The following FRMD4B variants were observed in gnomAD, a reference collection of about 807,000 sequenced individuals.
FRMD4B encodes FERM domain containing 4B, also known as FERM domain-containing protein 4B.
In FRMD4B, 74 loss-of-function variants were observed where a neutral mutation model predicts 141.5. The ratio of observed to expected loss-of-function variants is 0.52; its 90% CI spans 0.43 to 0.63. The LOEUF (loss-of-function observed/expected upper bound fraction) is 0.63, where lower values mean the gene tolerates loss of function less well. FRMD4B is among the 30% of genes least tolerant of loss of function. FRMD4B has a pLI of 0.00. For synonymous variants in FRMD4B, 506 were observed against 467.9 expected (o/e 1.08, Z -1.05); for missense variants, 1,366 against 1,253.4 (o/e 1.09, Z -1.36).
intron 1 of FRMD4B, among the ~76,000 whole-genome samples, chr3:69,349,775 A>C (rs1291358221): frequency 1.3e-5 from 2 of 152,248 alleles, no homozygotes; most frequent in African/African-American, 4.8e-5. Flanking sequence ...AACCATATGT[A>C]GAAAGCTGAA....
At chr3:69,202,631 C>T (rs763914215) in intron 11 of FRMD4B, among the ~76,000 whole-genome samples, 15 of 152,026 alleles carry the variant, frequency 9.9e-5, no homozygotes, top group Non-Finnish European at 1.3e-4. Flanking sequence ...CTAGAAGCTA[C>T]GAGTTTGAAC....
At chr3:69,330,686 A>G (rs1162517470) in intron 1 of FRMD4B, among the ~76,000 whole-genome samples, 1 of 151,526 alleles carries the variant, frequency 6.6e-6, no homozygotes, top group African/African-American at 2.4e-5. Flanking sequence ...TAATAGAGAC[A>G]GGGTCTCACT....
chr3:69,399,637 C>G lies in FRMD4B; in HGVS notation c.-1+32997G>C, dbSNP rs150965355. The stretch of plus-strand genomic sequence containing the variant: ...GGTTCTAATGCTTTTCCCTCAGGCT[C>G]TTTATATTTGTGGCTCTTTAAGTCC... On this transcript the variant is annotated intron_variant, in intron 2 of 5. Coordinates refer to the FRMD4B transcript ENST00000459638. 4.6e-3 allele frequency among the ~76,000 whole-genome samples: 704 copies of G among 152,294 alleles called. 3 individuals are homozygous for G. Among genetic ancestry groups the G allele is most frequent in the African/African-American group, 0.016 (654 of 41,564 alleles).
In FRMD4B at chr3:69,196,790, AT is replaced by A. The variant is rs369802750; in HGVS notation, c.1092+109del. ...ATAGTTGGAAGTTAAACGCAAAAAA[AT>A]CTCAGAGAGCAAAAATATATGTGCT... On this transcript the variant is annotated intron_variant, in intron 13 of 22. Coordinates refer to ENST00000398540, the MANE Select transcript of FRMD4B (RefSeq NM_015123.3). 7.3e-5 allele frequency: 59 copies of A among 813,192 alleles called. No individual in the cohort carries two copies. In the African/African-American group the frequency reaches 9.4e-4, roughly 13 times the overall value. 50.4% of individuals were successfully genotyped at this position (813,192 alleles called of 1,614,324 possible).
At chr3:69,446,744 C>CA (rs1705416625) in intron 1 of FRMD4B, among the ~76,000 whole-genome samples, 1 of 152,202 alleles carries the variant, frequency 6.6e-6, no homozygotes, top group Admixed American at 6.5e-5. Flanking sequence ...ACACATATCT[C>CA]ACTCTCTGTG....
chr3:69,282,254 C>T (rs375772232), intron 5 of FRMD4B, among the ~76,000 whole-genome samples: 10 of 152,264 alleles, frequency 6.6e-5, no homozygotes, highest in African/African-American at 2.2e-4. Flanking sequence ...TAGCTGTAGG[C>T]GAAAGCTGTC....
At chr3:69,515,466 A>T (rs2107112889) in intron 1 of FRMD4B, among the ~76,000 whole-genome samples, 1 of 152,168 alleles carries the variant, frequency 6.6e-6, no homozygotes, top group South Asian at 2.1e-4. Context: ...TCCCCAATTT[A>T]TTTACGTATT....
At chr3:69,196,700 C>T in intron 13 of FRMD4B, 200 bp downstream of exon 13, 1 of 580,982 alleles carries the variant, frequency 1.7e-6, no homozygotes. Flanking sequence ...AAAAAGTTGG[C>T]CAGTCTTACA....
chr3:69,401,996 C>T (rs982038481), intron 2 of FRMD4B, among the ~76,000 whole-genome samples: 2 of 152,178 alleles, frequency 1.3e-5, no homozygotes, highest in Admixed American at 6.5e-5. Flanking sequence ...GTAGCCTGTG[C>T]GTAGGCAATT....
chr3:69,243,179 T>G (rs2093399280), intron 7 of FRMD4B, among the ~76,000 whole-genome samples: 1 of 152,084 alleles, frequency 6.6e-6, no homozygotes, highest in Non-Finnish European at 1.5e-5. Context: ...TGTCATCTAT[T>G]TAAAGAAAAT....
At chr3:69,512,887 C>G (rs1394180646) in intron 1 of FRMD4B, among the ~76,000 whole-genome samples, 1 of 151,916 alleles carries the variant, frequency 6.6e-6, no homozygotes, top group Admixed American at 6.6e-5. Context: ...ATATTACACA[C>G]CAAAATTTAT....
intron 19 of FRMD4B, among the ~76,000 whole-genome samples, chr3:69,183,628 GCC>G (rs1559692388): frequency 6.6e-6 from 1 of 151,330 alleles, no homozygotes; most frequent in East Asian, 1.9e-4. Context: ...GACCACAGGC[GCC>G]CACCACCACG....
At position 69,218,339 on chromosome 3, in the gene FRMD4B, G is replaced by A. The variant is rs1174688566; in HGVS notation, c.772C>T (p.His258Tyr). The A allele has an allele frequency of 1.1e-5, 17 of 1,506,058 alleles. No homozygotes were observed. Among genetic ancestry groups the A allele is most frequent in the Non-Finnish European group, 1.6e-5 (17 of 1,087,014 alleles). 93.3% of individuals were successfully genotyped at this position (1,506,058 alleles called of 1,614,324 possible). The part of the protein sequence containing the change: ...IVEALPTYGV[H>Y]YYAVKDKQGL... ...TTACTTACCTTTACTGCATAATAAT[G>A]GACACCGTAAGTCGGTAGAGCTTCT... The change falls in exon 10 of 23, where the codon CAT becomes TAT. Residue 258 changes from histidine (H) to tyrosine (Y), a missense_variant. Transcript: ENST00000398540.
At chr3:69,496,905 T>TA (rs1233595660) in intron 1 of FRMD4B, among the ~76,000 whole-genome samples, 3 of 151,684 alleles carry the variant, frequency 2.0e-5, no homozygotes, top group African/African-American at 4.9e-5. Context: ...TAGTTTTTTT[T>TA]TTATTATTAT....
At chr3:69,489,476 C>A (rs191180425) in intron 1 of FRMD4B, among the ~76,000 whole-genome samples, 267 of 152,110 alleles carry the variant, frequency 1.8e-3, no homozygotes, top group Non-Finnish European at 3.2e-3. Context: ...GTAGTAGGTA[C>A]ATGAAAAGAT....
At chr3:69,358,052 CTTTA>C (rs1420454758) in intron 1 of FRMD4B, among the ~76,000 whole-genome samples, 4 of 152,188 alleles carry the variant, frequency 2.6e-5, no homozygotes, top group African/African-American at 7.2e-5. Context: ...AGAGTAATCA[CTTTA>C]TTTGTCACCT....
chr3:69,541,454 TGCTTTCTCAG>T (rs1336987676), intron 1 of FRMD4B: 1 of 152,264 alleles, frequency 6.6e-6, no homozygotes, highest in Non-Finnish European at 1.5e-5. Flanking sequence ...CTCCTGCGGC[TGCTTTCTCAG>T]GCGGGAGAAG....
chr3:69,310,001 T>C (rs943076877), intron 3 of FRMD4B, among the ~76,000 whole-genome samples: 2 of 152,216 alleles, frequency 1.3e-5, no homozygotes, highest in African/African-American at 4.8e-5. Flanking sequence ...ATTTCCCATT[T>C]CATCCAGTAG....
intron 1 of FRMD4B, among the ~76,000 whole-genome samples, chr3:69,340,624 G>T (rs1297653445): frequency 6.6e-6 from 1 of 152,178 alleles, no homozygotes; most frequent in East Asian, 1.9e-4. Flanking sequence ...GACGACTTCA[G>T]CTCCTTGATA....
Sources: gnomAD v4.1 joint callset for allele counts (sites outside exome capture counted in the v4.1 genomes callset) on GRCh38, gnomAD v4.1.1 for gene constraint, MANE v1.5 for transcripts, NCBI Gene and HGNC (gene_info 2026-07-23, HGNC 2026-07-21) for gene names.